KCNIP4: variants seen among roughly 807,000 people sequenced by gnomAD.
KCNIP4 encodes potassium voltage-gated channel interacting protein 4.
KCNIP4 carries 12 observed loss-of-function variants against 34.0 expected under a neutral mutation model. That is an observed-to-expected ratio of 0.35 (90% CI 0.23 to 0.57). KCNIP4 has a LOEUF of 0.57. KCNIP4 is among the 20% of genes least tolerant of loss of function. KCNIP4 has a pLI of 0.83. For synonymous variants in KCNIP4, 124 were observed against 102.2 expected (o/e 1.21, Z -1.29); for missense variants, 238 against 311.7 (o/e 0.76, Z 1.78).
chr4:21,875,042 G>C (rs2109372512), intron 1 of KCNIP4, among the ~76,000 whole-genome samples: 1 of 152,296 alleles, frequency 6.6e-6, no homozygotes, highest in Admixed American at 6.5e-5. Context: ...CCAGACAACT[G>C]TGACAGACAT....
chr4:21,393,458 C>T (rs1359122813), intron 1 of KCNIP4, among the ~76,000 whole-genome samples: 1 of 151,986 alleles, frequency 6.6e-6, no homozygotes. Flanking sequence ...AGGGGTGGCA[C>T]CACCCATTTT....
chr4:21,361,033 C>T (rs1236367625), intron 1 of KCNIP4, among the ~76,000 whole-genome samples: 1 of 148,498 alleles, frequency 6.7e-6, no homozygotes, highest in Non-Finnish European at 1.5e-5. Context: ...TCATCATTAT[C>T]GTCATCATCA....
chr4:21,349,834 A>G (rs1717831814), intron 1 of KCNIP4, among the ~76,000 whole-genome samples: 1 of 152,144 alleles, frequency 6.6e-6, no homozygotes, highest in Non-Finnish European at 1.5e-5. Context: ...GTCTTCAAGT[A>G]TGGGGTACAA....
intron 1 of KCNIP4, among the ~76,000 whole-genome samples, chr4:21,529,867 G>A (rs1736527667): frequency 6.6e-6 from 1 of 152,126 alleles, no homozygotes; most frequent in South Asian, 2.1e-4. Context: ...GAAAACTTAA[G>A]CTTTGATCAT....
At chr4:21,050,586 C>T (rs1313705278) in intron 1 of KCNIP4, among the ~76,000 whole-genome samples, 1 of 152,040 alleles carries the variant, frequency 6.6e-6, no homozygotes. Context: ...CCAAAGGAAA[C>T]AAATATAGTT....
intron 1 of KCNIP4, among the ~76,000 whole-genome samples, chr4:21,710,299 C>T (rs1304315063): frequency 1.3e-5 from 2 of 152,120 alleles, no homozygotes; most frequent in African/African-American, 2.4e-5. Flanking sequence ...CACACTCACA[C>T]ACTCCCCTGG....
intron 1 of KCNIP4, among the ~76,000 whole-genome samples, chr4:21,166,073 C>A (rs934015875): frequency 2.0e-5 from 3 of 152,136 alleles, no homozygotes; most frequent in African/African-American, 7.2e-5. Context: ...ACTTTTCAAC[C>A]TCCAGAACTG....
intron 1 of KCNIP4, among the ~76,000 whole-genome samples, chr4:21,110,967 C>T (rs948256234): frequency 1.4e-4 from 22 of 152,140 alleles, no homozygotes; most frequent in Admixed American, 3.9e-4. Context: ...TTTTAGGCTT[C>T]TTGGTTGTTA....
intron 1 of KCNIP4, among the ~76,000 whole-genome samples, chr4:21,759,165 C>T (rs953195992): frequency 2.0e-5 from 3 of 152,100 alleles, no homozygotes; most frequent in Admixed American, 6.6e-5. Flanking sequence ...AAAATCTTCC[C>T]TAATAGAACA....
At chr4:21,596,917 A>G (rs1374541290) in intron 1 of KCNIP4, among the ~76,000 whole-genome samples, 1 of 152,066 alleles carries the variant, frequency 6.6e-6, no homozygotes, top group East Asian at 1.9e-4. Flanking sequence ...TCCTCCGAGG[A>G]GATGGAGAGC....
Position 21,945,338 on chromosome 4 carries a change from C to T in KCNIP4, c.61+3233G>A, listed in dbSNP as rs1282260757. On this transcript the variant is annotated intron_variant, in intron 1 of 8. Transcript: ENST00000382152. Reference sequence around the variant, plus strand: ...GGGAGAGAGGGTGGCTGAATTTCAACACTTTGTCCTATCATTTGTTTAGTA... The same window carrying T: ...GGGAGAGAGGGTGGCTGAATTTCAATACTTTGTCCTATCATTTGTTTAGTA... Among the ~76,000 whole-genome samples the T allele has an allele frequency of 2.0e-5, 3 of 152,146 alleles. No homozygotes were observed. In the South Asian group the frequency reaches 6.2e-4, roughly 31 times the overall value.
intron 1 of KCNIP4, among the ~76,000 whole-genome samples, chr4:21,076,716 T>C (rs1745519658): frequency 6.6e-6 from 1 of 152,128 alleles, no homozygotes; most frequent in Non-Finnish European, 1.5e-5. Flanking sequence ...AGAAATGTCG[T>C]TGATGGTGTG....
Position 21,565,326 on chromosome 4 carries a change from G to A in KCNIP4, c.61+383245C>T, listed in dbSNP as rs182873160. On this transcript the variant is annotated intron_variant, in intron 1 of 8. Transcript: ENST00000382152. ...CTCTGGTCTCCCTTCTTTTACTTTC[G>A]AAAGTGCTAATCTCATCATGGGAGC... Among the ~76,000 whole-genome samples, 28 of 152,112 alleles carry A rather than the reference G, an allele frequency of 1.8e-4. No individual in the cohort carries two copies. In the East Asian group the frequency reaches 5.0e-3, roughly 27 times the overall value.
At chr4:21,923,239 G>A (rs1452221383) in intron 1 of KCNIP4, among the ~76,000 whole-genome samples, 1 of 152,074 alleles carries the variant, frequency 6.6e-6, no homozygotes, top group Non-Finnish European at 1.5e-5. Context: ...GCCTTCAAAT[G>A]TGCCTTACTC....
intron 1 of KCNIP4, among the ~76,000 whole-genome samples, chr4:21,196,681 C>G (rs1756079459): frequency 6.6e-6 from 1 of 152,202 alleles, no homozygotes; most frequent in Admixed American, 6.5e-5. Context: ...TATATTTTCA[C>G]TTTACCCTAG....
intron 1 of KCNIP4, among the ~76,000 whole-genome samples, chr4:21,105,390 C>A: frequency 6.6e-6 from 1 of 151,572 alleles, no homozygotes; most frequent in Non-Finnish European, 1.5e-5. Flanking sequence ...GGATTTGGCT[C>A]TCTGTTTGTC....
intron 1 of KCNIP4, among the ~76,000 whole-genome samples, chr4:21,231,564 G>C (rs1025129632): frequency 3.8e-4 from 58 of 151,956 alleles, no homozygotes; most frequent in African/African-American, 1.4e-3. Flanking sequence ...ACTGTGCCTT[G>C]GTATTGGGTT....
intron 1 of KCNIP4, among the ~76,000 whole-genome samples, chr4:21,363,383 T>C (rs1719420712): frequency 6.6e-6 from 1 of 152,142 alleles, no homozygotes; most frequent in Non-Finnish European, 1.5e-5. Context: ...TCAAAACCTT[T>C]ACCTAGCCTC....
At chr4:21,589,747 C>A (rs1027751331) in intron 1 of KCNIP4, among the ~76,000 whole-genome samples, 2 of 151,868 alleles carry the variant, frequency 1.3e-5, no homozygotes, top group South Asian at 4.1e-4. Flanking sequence ...TAAAAACTGT[C>A]CCCCCTTCTA....
Sources: allele counts gnomAD v4.1 joint callset (sites outside exome capture counted in the v4.1 genomes callset), GRCh38; gene constraint gnomAD v4.1.1; transcripts MANE v1.5; gene names NCBI Gene and HGNC (gene_info 2026-07-23, HGNC 2026-07-21).